The following TFDP2 variants were observed in gnomAD, a reference collection of about 807,000 sequenced individuals.
TFDP2 encodes the protein transcription factor Dp-2 (E2F dimerization partner 2).
A neutral mutation model predicts 59.3 loss-of-function variants in TFDP2; 17 were observed. The ratio of observed to expected loss-of-function variants is 0.29; its 90% CI spans 0.20 to 0.43. The LOEUF (loss-of-function observed/expected upper bound fraction) is 0.43. TFDP2 is among the 20% of genes least tolerant of loss of function. The pLI is 1.00. For synonymous variants in TFDP2, 180 were observed against 194.7 expected, an observed-to-expected ratio of 0.92 and a Z score of 0.63; for missense variants, 391 against 528.8, an observed-to-expected ratio of 0.74 and a Z score of 2.56.
At chr3:142,076,731 C>T (rs7635444) in intron 3 of TFDP2, among the ~76,000 whole-genome samples, 68,684 of 152,050 alleles carry the variant, frequency 0.45, 17,651 homozygotes, top group African/African-American at 0.71. Context: ...TGTGCAGTTT[C>T]TTCAGTTGTC....
At chr3:141,978,458 A>C in intron 7 of TFDP2, 62 bp downstream of exon 7, 1 of 1,495,358 alleles carries the variant, frequency 6.7e-7, no homozygotes, top group Non-Finnish European at 9.0e-7. Flanking sequence ...ATCTATAACA[A>C]AGATAACACA....
rs1482515013 is a variant in TFDP2 at position 141,946,573 on chromosome 3, CCACTCA to C, written c.*5934_*5939del. On this transcript the variant is annotated 3_prime_UTR_variant, in exon 13 of 13. Transcript: ENST00000489671. ...TAGCCAGAGGGTCAAAGTGTTGTGC[CCACTCA>C]CTTTTTCTTCTTTAGCATACTGTGG... The C allele has an allele frequency of 2.0e-5, 3 of 152,260 alleles. No homozygotes were observed. In the East Asian group the frequency reaches 5.8e-4, roughly 29 times the overall value. 9.4% of individuals were successfully genotyped at this position (152,260 alleles called of 1,614,324 possible). A position where few individuals can be genotyped will look rare whatever the true frequency, so the allele number is the denominator to read the frequency against.
intron 1 of TFDP2, among the ~76,000 whole-genome samples, chr3:142,114,307 T>C (rs2061773294): frequency 6.6e-6 from 1 of 152,154 alleles, no homozygotes; most frequent in Non-Finnish European, 1.5e-5. Context: ...CATCATATCA[T>C]AAAAAGACAT....
At position 142,124,669 on chromosome 3, in the gene TFDP2, A is replaced by G. The variant is rs1187421840; in HGVS notation, c.-92-22828T>C. On this transcript the variant is annotated intron_variant, in intron 1 of 12. Transcript: ENST00000489671. ...TGTGGAAGATCTTTCTAAATATGAAACCAAGCCCAGAAAAGTCTTCAAAGT... is the reference window on the plus strand; with the variant it reads ...TGTGGAAGATCTTTCTAAATATGAAGCCAAGCCCAGAAAAGTCTTCAAAGT... Among the ~76,000 whole-genome samples the G allele has an allele frequency of 2.0e-5, 3 of 152,210 alleles. No individual in the cohort carries two copies. The South Asian group carries it at 6.2e-4, about 31-fold the overall frequency.
intron 1 of TFDP2, among the ~76,000 whole-genome samples, chr3:142,117,650 G>A (rs2061891000): frequency 6.6e-6 from 1 of 152,190 alleles, no homozygotes. Flanking sequence ...ATAGCTAATA[G>A]ACCTGGTGAA....
At chr3:142,059,640 T>G (rs1480668803) in intron 3 of TFDP2, among the ~76,000 whole-genome samples, 1 of 151,918 alleles carries the variant, frequency 6.6e-6, no homozygotes, top group African/African-American at 2.4e-5. Flanking sequence ...AGTGCAATGG[T>G]GTAATCTCGG....
chr3:141,997,516 G>C (rs908893780), intron 4 of TFDP2, among the ~76,000 whole-genome samples: 5 of 151,930 alleles, frequency 3.3e-5, no homozygotes, highest in African/African-American at 9.7e-5. Context: ...GGTATTAGCA[G>C]CCTACATGCT....
chr3:142,132,863 CA>C (rs766563666), intron 1 of TFDP2, among the ~76,000 whole-genome samples: 1 of 133,848 alleles, frequency 7.5e-6, no homozygotes, highest in Non-Finnish European at 1.6e-5. Flanking sequence ...AGAAGATGAA[CA>C]ATAGAAAAAT....
intron 1 of TFDP2, among the ~76,000 whole-genome samples, chr3:142,140,006 TCAAA>T (rs2108749157): frequency 6.6e-6 from 1 of 152,360 alleles, no homozygotes; most frequent in East Asian, 1.9e-4. Context: ...GGTACACCAA[TCAAA>T]CACAGATTTG....
At chr3:141,969,841 G>A (rs533608366) in intron 9 of TFDP2, among the ~76,000 whole-genome samples, 4 of 152,286 alleles carry the variant, frequency 2.6e-5, no homozygotes, top group African/African-American at 7.2e-5. Flanking sequence ...GCTGCCTGGC[G>A]TAAGTCACAC....
At chr3:142,094,042 C>G (rs2061084827) in intron 2 of TFDP2, 2 of 444,898 alleles carry the variant, frequency 4.5e-6, no homozygotes, top group Non-Finnish European at 9.0e-6. Flanking sequence ...AAGGTAATAT[C>G]CACTACACTA....
intron 1 of TFDP2, among the ~76,000 whole-genome samples, chr3:142,111,457 T>G: frequency 7.1e-6 from 1 of 141,052 alleles, no homozygotes; most frequent in South Asian, 2.2e-4. Flanking sequence ...AAGATTCATA[T>G]AAACATGTAA....
intron 3 of TFDP2, among the ~76,000 whole-genome samples, chr3:142,063,216 C>G (rs993070987): frequency 3.9e-5 from 6 of 152,080 alleles, no homozygotes; most frequent in African/African-American, 1.2e-4. Context: ...TCTAAAGATA[C>G]TTTGTAAAAA....
chr3:141,984,374 G>GT, intron 6 of TFDP2, among the ~76,000 whole-genome samples: 1 of 152,254 alleles, frequency 6.6e-6, no homozygotes, highest in African/African-American at 2.4e-5. Flanking sequence ...GCGCGTGCCT[G>GT]TAGTCTCAGC....
At chr3:142,007,534 G>GGGAGGAAGGGA (rs1187183544) in intron 3 of TFDP2, among the ~76,000 whole-genome samples, 1 of 152,180 alleles carries the variant, frequency 6.6e-6, no homozygotes, top group Non-Finnish European at 1.5e-5. Flanking sequence ...CAGGGGTGAA[G>GGGAGGAAGGGA]GGAGGTATGG....
chr3:141,978,975 G>C (rs768825391), intron 6 of TFDP2, among the ~76,000 whole-genome samples: 7 of 152,164 alleles, frequency 4.6e-5, no homozygotes, highest in Non-Finnish European at 1.0e-4. Flanking sequence ...GAATAAGTCA[G>C]TGAAAAAACA....
At chr3:142,047,454 G>A (rs1282371101) in intron 3 of TFDP2, among the ~76,000 whole-genome samples, 1 of 152,102 alleles carries the variant, frequency 6.6e-6, no homozygotes, top group Admixed American at 6.5e-5. Context: ...CTGTAAACCA[G>A]TGAGAATTCC....
Position 141,950,155 on chromosome 3 carries a change from T to C in TFDP2, c.*2358A>G, listed in dbSNP as rs1935782938. On this transcript the variant is annotated 3_prime_UTR_variant, in exon 13 of 13. Transcript: ENST00000489671. Reference sequence around the variant, plus strand: ...CTTTGATCTTGTGTGAAATTGTGACTCAGTGCTGAGCTTTAGACCCAGATA... The same window carrying C: ...CTTTGATCTTGTGTGAAATTGTGACCCAGTGCTGAGCTTTAGACCCAGATA... 1 of 152,148 alleles carries C rather than the reference T, an allele frequency of 6.6e-6. No individual in the cohort carries two copies. The highest frequency in any genetic ancestry group is 1.5e-5 in the Non-Finnish European group (1 of 68,072). The allele number at this position is 152,148 out of a possible 1,614,324, so 9.4% of individuals were successfully genotyped here. A position where few individuals can be genotyped will look rare whatever the true frequency, so the allele number is the denominator to read the frequency against.
chr3:141,966,681 G>A (rs922102533), intron 9 of TFDP2, among the ~76,000 whole-genome samples: 5 of 151,448 alleles, frequency 3.3e-5, no homozygotes, highest in Non-Finnish European at 5.9e-5. Context: ...TTTCCTATGC[G>A]TTTATTATGG....
Sources: allele counts gnomAD v4.1 joint callset (sites outside exome capture counted in the v4.1 genomes callset), GRCh38; gene constraint gnomAD v4.1.1; transcripts MANE v1.5; gene names NCBI Gene and HGNC (gene_info 2026-07-23, HGNC 2026-07-21).